The following SCMH1 variants were observed in gnomAD, a reference collection of about 807,000 sequenced individuals.
SCMH1 encodes Scm polycomb group protein homolog 1.
A neutral mutation model predicts 70.8 loss-of-function variants in SCMH1; 37 were observed. The observed-to-expected ratio is 0.52, with a 90% CI of 0.40 to 0.69. The LOEUF (loss-of-function observed/expected upper bound fraction) is 0.69, where lower values mean the gene tolerates loss of function less well. Among genes scored for constraint, SCMH1 ranks in the 30% least tolerant of loss-of-function variants. The pLI is 0.00. For synonymous variants in SCMH1, 292 were observed against 307.4 expected (o/e 0.95, Z 0.52); for missense variants, 607 against 827.3 (o/e 0.73, Z 3.27).
intron 6 of SCMH1, among the ~76,000 whole-genome samples, chr1:41,125,100 A>G (rs1672850821): frequency 6.6e-6 from 1 of 152,138 alleles, no homozygotes; most frequent in Non-Finnish European, 1.5e-5. Context: ...AAACTTTGAG[A>G]CTGTGAACAT....
At chr1:41,095,941 C>T (rs983039554) in intron 8 of SCMH1, among the ~76,000 whole-genome samples, 3 of 151,932 alleles carry the variant, frequency 2.0e-5, no homozygotes, top group African/African-American at 7.3e-5. Context: ...TGTATAACAA[C>T]ACAGAACAAG....
chr1:41,081,819 T>TAAA (rs34212860), intron 8 of SCMH1, among the ~76,000 whole-genome samples: 1 of 148,312 alleles, frequency 6.7e-6, no homozygotes, highest in East Asian at 2.0e-4. Flanking sequence ...GACTCTGTCT[T>TAAA]AAAAAAAAAA....
chr1:41,063,692 T>C (rs568235062), intron 10 of SCMH1, among the ~76,000 whole-genome samples: 1 of 152,286 alleles, frequency 6.6e-6, no homozygotes, highest in South Asian at 2.1e-4. Flanking sequence ...AGGAATACTA[T>C]GAACAACTCT....
chr1:41,063,197 G>A (rs1653366573), intron 10 of SCMH1, among the ~76,000 whole-genome samples: 1 of 152,132 alleles, frequency 6.6e-6, no homozygotes, highest in Non-Finnish European at 1.5e-5. Context: ...AAACAGGCCA[G>A]GCGTGGTGGC....
chr1:41,080,800 A>G (rs1659778258), intron 8 of SCMH1, among the ~76,000 whole-genome samples: 1 of 152,174 alleles, frequency 6.6e-6, no homozygotes. Context: ...TAAAAAACCT[A>G]TAATCAACAG....
chr1:41,140,659 G>C (rs546206852), intron 6 of SCMH1, among the ~76,000 whole-genome samples: 4 of 152,114 alleles, frequency 2.6e-5, no homozygotes, highest in African/African-American at 9.7e-5. Flanking sequence ...GACCAACCTA[G>C]TAGCACTGAG....
chr1:41,204,248 C>T (rs77615809), intron 1 of SCMH1, among the ~76,000 whole-genome samples: 2,985 of 152,232 alleles, frequency 0.02, 80 homozygotes, highest in African/African-American at 0.068. Context: ...CTATTTAGTA[C>T]GCCTTAGCAG....
At chr1:41,043,228 G>A (rs1337611600) in intron 12 of SCMH1, 1 of 151,898 alleles carries the variant, frequency 6.6e-6, no homozygotes, top group Non-Finnish European at 1.5e-5. Flanking sequence ...CGAGTAGCTG[G>A]AATTATAGGT....
intron 1 of SCMH1, among the ~76,000 whole-genome samples, chr1:41,232,229 G>C (rs575193246): frequency 2.0e-5 from 3 of 152,042 alleles, no homozygotes; most frequent in Non-Finnish European, 4.4e-5. Context: ...GCTGGTAAAG[G>C]TTGAAAAACT....
intron 10 of SCMH1, among the ~76,000 whole-genome samples, chr1:41,057,541 C>T (rs1313132851): frequency 2.0e-5 from 3 of 152,084 alleles, no homozygotes; most frequent in East Asian, 3.9e-4. Context: ...TGAGCCACTG[C>T]GCCTGGCCCT....
rs550381006 is a variant in SCMH1 at position 41,060,574 on chromosome 1, G to A, written c.1105+10021C>T. 9.2e-5 allele frequency among the ~76,000 whole-genome samples: 14 copies of A among 151,974 alleles called. No individual in the cohort carries two copies. The East Asian group carries it at 1.7e-3, about 19-fold the overall frequency. Reference sequence around the variant, plus strand: ...GAAAATGATATAGATCAGAAACTTCGATCTATATAAAGAAAGGAAGAGCAT... The same window carrying A: ...GAAAATGATATAGATCAGAAACTTCAATCTATATAAAGAAAGGAAGAGCAT... On this transcript the variant is annotated intron_variant, in intron 10 of 14. Coordinates refer to ENST00000337495, the Ensembl canonical transcript of SCMH1.
At chr1:41,127,732 CT>C (rs1213784040) in intron 6 of SCMH1, among the ~76,000 whole-genome samples, 1 of 152,070 alleles carries the variant, frequency 6.6e-6, no homozygotes, top group South Asian at 2.1e-4. Flanking sequence ...GGGTAGAGCC[CT>C]TATTTGATAG....
chr1:41,233,492 A>AT (rs1220679985), intron 1 of SCMH1, among the ~76,000 whole-genome samples: 1 of 152,200 alleles, frequency 6.6e-6, no homozygotes, highest in East Asian at 1.9e-4. Flanking sequence ...TCATGTTAAT[A>AT]TATCAAGTAC....
At chr1:41,117,486 C>T (rs147145065) in intron 6 of SCMH1, among the ~76,000 whole-genome samples, 24 of 150,906 alleles carry the variant, frequency 1.6e-4, no homozygotes, top group African/African-American at 4.1e-4. Flanking sequence ...ACTTAGAGAC[C>T]GGGAAAGGGA....
chr1:41,180,585 C>A (rs1278198909), intron 2 of SCMH1, among the ~76,000 whole-genome samples: 1 of 152,146 alleles, frequency 6.6e-6, no homozygotes, highest in Non-Finnish European at 1.5e-5. Context: ...CATGAGTGAA[C>A]TCCCATTCAC....
chr1:41,075,544 T>G, intron 8 of SCMH1, 93 bp from the exon 9 acceptor site: 2 of 1,040,210 alleles, frequency 1.9e-6, no homozygotes, highest in Non-Finnish European at 2.8e-6. Flanking sequence ...TCTGCTCAGG[T>G]AGTTTTGTTC....
chr1:41,080,155 C>A (rs1444875934), intron 8 of SCMH1, among the ~76,000 whole-genome samples: 6 of 151,454 alleles, frequency 4.0e-5, no homozygotes, highest in African/African-American at 1.5e-4. Flanking sequence ...AAACACAAAA[C>A]AAAGCAAAAA....
chr1:41,181,940 G>C (rs1194946274), intron 2 of SCMH1, among the ~76,000 whole-genome samples: 1 of 152,106 alleles, frequency 6.6e-6, no homozygotes, highest in Non-Finnish European at 1.5e-5. Flanking sequence ...CAAAGACTTG[G>C]AACCAACCCA....
intron 4 of SCMH1, among the ~76,000 whole-genome samples, chr1:41,156,059 G>C (rs776427328): frequency 6.6e-5 from 10 of 151,168 alleles, no homozygotes; most frequent in Middle Eastern, 3.5e-3. Flanking sequence ...TCCAGTCATG[G>C]GACACTCATT....
Sources: gnomAD v4.1 joint callset for allele counts (sites outside exome capture counted in the v4.1 genomes callset) on GRCh38, gnomAD v4.1.1 for gene constraint, MANE v1.5 for transcripts, NCBI Gene and HGNC (gene_info 2026-07-23, HGNC 2026-07-21) for gene names.